The following CADM2 variants were observed in gnomAD, a reference collection of about 807,000 sequenced individuals.
CADM2 encodes the protein immunoglobulin superfamily member 4D.
Under a neutral mutation model 49.8 loss-of-function variants are expected in CADM2, and 12 were observed. The ratio of observed to expected loss-of-function variants is 0.24; its 90% CI spans 0.15 to 0.39. The LOEUF (loss-of-function observed/expected upper bound fraction) is 0.39, where lower values mean the gene tolerates loss of function less well. Ranked by LOEUF, CADM2 falls within the 10% of genes least tolerant of loss-of-function variation. The pLI is 1.00. For missense variants in CADM2, 378 were observed against 492.3 expected, an observed-to-expected ratio of 0.77 and a Z score of 2.20; for synonymous variants, 214 against 175.4, an observed-to-expected ratio of 1.22 and a Z score of -1.74.
chr3:86,001,697 A>T (rs555627927), intron 8 of CADM2, among the ~76,000 whole-genome samples: 2 of 152,292 alleles, frequency 1.3e-5, no homozygotes, highest in East Asian at 3.9e-4. Context: ...GAATACTAGA[A>T]TTAAAAATTC....
At chr3:85,943,602 G>A (rs1338748216) in intron 7 of CADM2, among the ~76,000 whole-genome samples, 2 of 151,846 alleles carry the variant, frequency 1.3e-5, no homozygotes, top group Non-Finnish European at 2.9e-5. Flanking sequence ...TCAATCCTAA[G>A]ACAAAAGAAC....
intron 1 of CADM2, among the ~76,000 whole-genome samples, chr3:85,059,321 A>T (rs1005208354): frequency 6.6e-6 from 1 of 151,870 alleles, no homozygotes; most frequent in Non-Finnish European, 1.5e-5. Flanking sequence ...AAAAAAATAA[A>T]AAAAAAAACA....
At chr3:85,538,465 C>T (rs968082493) in intron 1 of CADM2, among the ~76,000 whole-genome samples, 4 of 152,090 alleles carry the variant, frequency 2.6e-5, no homozygotes, top group Non-Finnish European at 5.9e-5. Context: ...TGTGCCCTTT[C>T]CACTTCGCCA....
chr3:85,092,417 G>A (rs2037631645), intron 1 of CADM2, among the ~76,000 whole-genome samples: 1 of 152,250 alleles, frequency 6.6e-6, no homozygotes, highest in South Asian at 2.1e-4. Flanking sequence ...ATTGTGGCCA[G>A]AGAAGAAACA....
chr3:85,495,963 C>T (rs2039871094), intron 1 of CADM2, among the ~76,000 whole-genome samples: 1 of 152,116 alleles, frequency 6.6e-6, no homozygotes, highest in Admixed American at 6.5e-5. Context: ...ATAATGGTTT[C>T]CTCTGCTGCA....
intron 3 of CADM2, among the ~76,000 whole-genome samples, chr3:85,846,340 CTG>C (rs1049982815): frequency 6.6e-6 from 1 of 152,116 alleles, no homozygotes; most frequent in African/African-American, 2.4e-5. Context: ...TACATACCCA[CTG>C]TCCTCTAGAA....
intron 3 of CADM2, among the ~76,000 whole-genome samples, chr3:85,827,422 C>G (rs561410757): frequency 6.6e-6 from 1 of 151,868 alleles, no homozygotes; most frequent in South Asian, 2.1e-4. Flanking sequence ...TGTTGCATAG[C>G]GCGGTGTGTA....
chr3:85,014,174 G>T (rs2034141239), intron 1 of CADM2, among the ~76,000 whole-genome samples: 1 of 143,734 alleles, frequency 7.0e-6, no homozygotes, highest in African/African-American at 2.6e-5. Context: ...TATACGCAGT[G>T]TAATAATATT....
chr3:85,360,059 A>T (rs962508086), intron 1 of CADM2, among the ~76,000 whole-genome samples: 1 of 151,916 alleles, frequency 6.6e-6, no homozygotes, highest in African/African-American at 2.4e-5. Flanking sequence ...ATTTTCACGT[A>T]TACAAAGATA....
intron 1 of CADM2, among the ~76,000 whole-genome samples, chr3:85,303,007 A>T (rs1199285303): frequency 1.3e-5 from 2 of 152,004 alleles, no homozygotes; most frequent in African/African-American, 4.8e-5. Context: ...TTGCCTTTTT[A>T]AAAATGCTCT....
intron 8 of CADM2, among the ~76,000 whole-genome samples, chr3:85,969,138 T>C (rs1227710613): frequency 1.3e-5 from 2 of 151,584 alleles, no homozygotes; most frequent in African/African-American, 4.8e-5. Context: ...AGCTTCAATA[T>C]ATAAACGTTT....
At chr3:85,159,983 T>C (rs1022425214) in intron 1 of CADM2, among the ~76,000 whole-genome samples, 3 of 152,208 alleles carry the variant, frequency 2.0e-5, no homozygotes, top group Admixed American at 6.5e-5. Context: ...ATAAGTTTGT[T>C]TTTAATAATG....
chr3:85,111,266 T>C (rs1488466470), intron 1 of CADM2, among the ~76,000 whole-genome samples: 1 of 151,884 alleles, frequency 6.6e-6, no homozygotes, highest in Non-Finnish European at 1.5e-5. Context: ...CAAATTTATA[T>C]AACATGGTCC....
chr3:85,305,094 A>T (rs532888082), intron 1 of CADM2, among the ~76,000 whole-genome samples: 8 of 151,614 alleles, frequency 5.3e-5, no homozygotes, highest in African/African-American at 1.9e-4. Context: ...ATATGTCTTA[A>T]TTTTTTCTCC....
At chr3:85,270,362 C>T (rs1330329160) in intron 1 of CADM2, among the ~76,000 whole-genome samples, 1 of 151,126 alleles carries the variant, frequency 6.6e-6, no homozygotes, top group Non-Finnish European at 1.5e-5. Flanking sequence ...CTAAAATATC[C>T]AGCTCTATAT....
At chr3:85,118,166 A>G (rs2107584345) in intron 1 of CADM2, among the ~76,000 whole-genome samples, 2 of 151,994 alleles carry the variant, frequency 1.3e-5, no homozygotes, top group South Asian at 2.1e-4. Context: ...TGTGATATTA[A>G]CTTATTCATC....
intron 1 of CADM2, among the ~76,000 whole-genome samples, chr3:85,124,898 A>G (rs2038976632): frequency 6.6e-6 from 1 of 152,202 alleles, no homozygotes; most frequent in African/African-American, 2.4e-5. Context: ...TGCTGAATAC[A>G]TATCATACAA....
intron 7 of CADM2, among the ~76,000 whole-genome samples, chr3:85,939,826 A>G (rs1265878798): frequency 6.7e-6 from 1 of 148,238 alleles, no homozygotes; most frequent in African/African-American, 2.5e-5. Flanking sequence ...ATTGCACAGC[A>G]CATAACATTC....
At chr3:85,073,625 A>AT (rs1317440558) in intron 1 of CADM2, among the ~76,000 whole-genome samples, 2 of 152,134 alleles carry the variant, frequency 1.3e-5, no homozygotes, top group African/African-American at 2.4e-5. Context: ...GTGGTGGTAT[A>AT]TTTTCTAGTA....
Sources: gnomAD v4.1 joint callset for allele counts (sites outside exome capture counted in the v4.1 genomes callset) on GRCh38, gnomAD v4.1.1 for gene constraint, MANE v1.5 for transcripts, NCBI Gene and HGNC (gene_info 2026-07-23, HGNC 2026-07-21) for gene names.